TM9SF2: variants seen among roughly 807,000 people sequenced by gnomAD.
The protein encoded by TM9SF2 is transmembrane 9 superfamily member 2, also known as 76 kDa membrane protein.
In TM9SF2, 13 loss-of-function variants were observed where a neutral mutation model predicts 84.9. The ratio of observed to expected loss-of-function variants is 0.15; its 90% CI spans 0.10 to 0.24. TM9SF2 has a LOEUF of 0.24. TM9SF2 is among the 10% of genes least tolerant of loss of function. The pLI is 1.00. For synonymous variants in TM9SF2, 273 were observed against 285.8 expected, an observed-to-expected ratio of 0.96 and a Z score of 0.45; for missense variants, 562 against 818.5, an observed-to-expected ratio of 0.69 and a Z score of 3.82.
At chr13:99,558,028 T>C (rs2046331226) in intron 15 of TM9SF2, among the ~76,000 whole-genome samples, 1 of 152,244 alleles carries the variant, frequency 6.6e-6, no homozygotes, top group Non-Finnish European at 1.5e-5. Flanking sequence ...TCCAGCTACA[T>C]TATTTGACGT....
chr13:99,525,640 C>T lies in TM9SF2; in HGVS notation c.334-3827C>T, dbSNP rs537504866. Among the ~76,000 whole-genome samples, 19 of 151,142 alleles carry T rather than the reference C, an allele frequency of 1.3e-4. 1 individual carries two copies. The South Asian group carries it at 4.0e-3, about 32-fold the overall frequency. On this transcript the variant is annotated intron_variant, in intron 3 of 16. Transcript: ENST00000376387. Reference sequence around the variant, plus strand: ...GCGTGATCTCGGCTTACTGCAAGCTCCACCTGCCGAGTTCACACCATTCTC... The same window carrying T: ...GCGTGATCTCGGCTTACTGCAAGCTTCACCTGCCGAGTTCACACCATTCTC...
chr13:99,514,110 G>A (rs1468377792), intron 1 of TM9SF2: 2 of 152,200 alleles, frequency 1.3e-5, no homozygotes, highest in Non-Finnish European at 2.9e-5. Flanking sequence ...CTTATAAGAT[G>A]ATAATGGAGC....
intron 16 of TM9SF2, among the ~76,000 whole-genome samples, chr13:99,561,626 ATAATGATGTT>A (rs1320945929): frequency 6.6e-6 from 1 of 152,242 alleles, no homozygotes; most frequent in Non-Finnish European, 1.5e-5. Context: ...AAGGATGGAT[ATAATGATGTT>A]TGTAATTTCC....
At chr13:99,522,084 G>A (rs771453505) in intron 3 of TM9SF2, among the ~76,000 whole-genome samples, 2 of 152,058 alleles carry the variant, frequency 1.3e-5, no homozygotes, top group Non-Finnish European at 2.9e-5. Flanking sequence ...GCAGTGGCAA[G>A]ATCTCAGCTC....
chr13:99,526,628 T>C (rs2046184844), intron 3 of TM9SF2, among the ~76,000 whole-genome samples: 1 of 152,114 alleles, frequency 6.6e-6, no homozygotes, highest in South Asian at 2.1e-4. Flanking sequence ...CTGCTGTCAT[T>C]GATAAAGGCA....
chr13:99,549,075 A>G, intron 11 of TM9SF2, 90 bp from the exon 12 acceptor site: 2 of 1,067,654 alleles, frequency 1.9e-6, no homozygotes, highest in Non-Finnish European at 2.8e-6. Flanking sequence ...TTGCTGTCTG[A>G]CAGTTTGGCA....
At chr13:99,552,461 T>C in intron 13 of TM9SF2, 135 bp downstream of exon 13, 1 of 931,662 alleles carries the variant, frequency 1.1e-6, no homozygotes, top group Non-Finnish European at 1.6e-6. Context: ...AGAATATTTT[T>C]AAAATAGTAG....
chr13:99,507,263 A>G (rs1039178204), intron 1 of TM9SF2, among the ~76,000 whole-genome samples: 26 of 151,956 alleles, frequency 1.7e-4, no homozygotes, highest in African/African-American at 5.6e-4. Flanking sequence ...TACTCTGAGC[A>G]CTCTTCTTCT....
At chr13:99,503,474 C>T (rs954015985) in intron 1 of TM9SF2, among the ~76,000 whole-genome samples, 10 of 152,076 alleles carry the variant, frequency 6.6e-5, no homozygotes, top group East Asian at 1.9e-4. Context: ...ATTGGGAGGC[C>T]GAGGCGGGTG....
In TM9SF2 at chr13:99,529,474, T is replaced by A. The variant is rs1368112151; in HGVS notation, c.341T>A (p.Phe114Tyr). 1 of 1,557,134 alleles carries A rather than the reference T, an allele frequency of 6.4e-7. No homozygotes were observed. Among genetic ancestry groups the A allele is most frequent in the Admixed American group, 2.2e-5 (1 of 45,674 alleles). Residue 114 changes from phenylalanine to tyrosine, a missense_variant, in exon 4 of 17, where the codon TTT becomes TAT. Around this residue, in one of 4 missense-constraint regions of TM9SF2, gnomAD observed 267 missense variants for 316.7 expected, o/e 0.84. Transcript: ENST00000376387. ...CACTTCCTTTTAATACAGTTTACGT[T>A]TAATAAGAAGGAGACCTGTAAGCTT... ...RIEPSPYKFT[F>Y]NKKETCKLVC... is the part of the protein sequence containing the mutation.
At chr13:99,524,406 A>T (rs1295783335) in intron 3 of TM9SF2, among the ~76,000 whole-genome samples, 1 of 152,156 alleles carries the variant, frequency 6.6e-6, no homozygotes, top group East Asian at 1.9e-4. Context: ...ATTTTCTAAG[A>T]TGGGGCAGTC....
rs150606222 is a variant in TM9SF2 at position 99,563,478 on chromosome 13, A to G, written c.*720A>G. 4.4e-4 allele frequency: 67 copies of G among 152,298 alleles called. No homozygotes were observed. Among genetic ancestry groups the G allele is most frequent in the African/African-American group, 1.4e-3 (57 of 41,560 alleles). 9.4% of individuals were successfully genotyped at this position (152,298 alleles called of 1,614,324 possible). ...AAGGTGTTTTGAAATGATTTATACT[A>G]TTTTATCAGATTTTACTGGATTTTG... On this transcript the variant is annotated 3_prime_UTR_variant, in exon 17 of 17. Transcript: ENST00000376387.
intron 13 of TM9SF2, among the ~76,000 whole-genome samples, chr13:99,553,337 G>A (rs978498333): frequency 3.3e-5 from 5 of 152,204 alleles, no homozygotes; most frequent in African/African-American, 9.7e-5. Context: ...GCTGCTGAAG[G>A]ATTTTTTTAA....
chr13:99,535,470 C>A (rs1400139561), intron 4 of TM9SF2, among the ~76,000 whole-genome samples: 2 of 152,086 alleles, frequency 1.3e-5, no homozygotes, highest in Non-Finnish European at 1.5e-5. Context: ...TTCAGAAAAT[C>A]TGAATTATTT....
chr13:99,528,756 G>T (rs529583510), intron 3 of TM9SF2, among the ~76,000 whole-genome samples: 1 of 152,342 alleles, frequency 6.6e-6, no homozygotes, highest in Admixed American at 6.5e-5. Context: ...ACAGGTGGCA[G>T]CAGTGGACTA....
intron 10 of TM9SF2, 49 bp downstream of exon 10, chr13:99,544,044 G>A (rs373738071): frequency 6.2e-7 from 1 of 1,600,342 alleles, no homozygotes; most frequent in Admixed American, 1.7e-5. Context: ...TCTAAATACA[G>A]TAATTGCTTA....
chr13:99,540,533 G>C, intron 7 of TM9SF2, 181 bp from the exon 8 acceptor site: 1 of 232,566 alleles, frequency 4.3e-6, no homozygotes, highest in African/African-American at 2.8e-5. Context: ...ATCTTACTCT[G>C]ATTTCCCCTA....
At chr13:99,517,707 A>G (rs753070585) in intron 2 of TM9SF2, 26 bp downstream of exon 2, 1 of 1,511,958 alleles carries the variant, frequency 6.6e-7, no homozygotes, top group South Asian at 1.3e-5. Context: ...TGGCTTTTAT[A>G]TAAAATTTTA....
intron 1 of TM9SF2, among the ~76,000 whole-genome samples, chr13:99,515,734 G>GTT (rs5806117): frequency 0.017 from 2,364 of 138,516 alleles, 53 homozygotes; most frequent in African/African-American, 0.045. Context: ...AGAAATACTG[G>GTT]TTTTTTTTTT....
Sources: allele counts gnomAD v4.1 joint callset (sites outside exome capture counted in the v4.1 genomes callset), GRCh38; gene constraint gnomAD v4.1.1; regional missense constraint gnomAD v4.1.1; transcripts MANE v1.5; gene names NCBI Gene and HGNC (gene_info 2026-07-23, HGNC 2026-07-21).